Variants in CNTN5 observed in about 807,000 individuals in gnomAD.
The protein encoded by CNTN5 is contactin 5, also known as contactin-5.
In CNTN5, 77 loss-of-function variants were observed where a neutral mutation model predicts 129.1. That is an observed-to-expected ratio of 0.60 (90% CI 0.50 to 0.72). The LOEUF (loss-of-function observed/expected upper bound fraction) is 0.72, where lower values mean the gene tolerates loss of function less well. Among genes scored for constraint, CNTN5 ranks in the 30% least tolerant of loss-of-function variants. CNTN5 has a pLI of 0.00. For synonymous variants in CNTN5, 509 were observed against 465.6 expected, an observed-to-expected ratio of 1.09 and a Z score of -1.20; for missense variants, 1,478 against 1,328.8, an observed-to-expected ratio of 1.11 and a Z score of -1.75.
At chr11:99,750,037 C>T (rs1024306640) in intron 3 of CNTN5, among the ~76,000 whole-genome samples, 1 of 152,128 alleles carries the variant, frequency 6.6e-6, no homozygotes, top group Non-Finnish European at 1.5e-5. Flanking sequence ...ACAGCATAGC[C>T]ACTTAGCCTA....
intron 3 of CNTN5, among the ~76,000 whole-genome samples, chr11:99,767,122 T>C (rs1355523335): frequency 1.3e-5 from 2 of 152,112 alleles, no homozygotes; most frequent in Non-Finnish European, 2.9e-5. Flanking sequence ...TCTCTCTCTC[T>C]CTTTCTCTAC....
At position 99,069,233 on chromosome 11, in the gene CNTN5, A is replaced by C. The variant is rs530244215; in HGVS notation, c.-210+47963A>C. On this transcript the variant is annotated intron_variant, in intron 1 of 24. Coordinates refer to ENST00000524871, the MANE Select transcript of CNTN5 (RefSeq NM_014361.4). ...CAACCCTCCTTTCAGATAATTCCTT[A>C]AAGTATATTACTCTGAAATTTTTGC... Among the ~76,000 whole-genome samples the C allele has an allele frequency of 1.4e-4, 22 of 152,240 alleles. 1 individual carries two copies. The South Asian group carries it at 4.6e-3, about 32-fold the overall frequency.
At chr11:99,185,797 T>A (rs1226164573) in intron 1 of CNTN5, among the ~76,000 whole-genome samples, 1 of 100,556 alleles carries the variant, frequency 9.9e-6, no homozygotes, top group African/African-American at 3.4e-5. Context: ...AATTTTAAAA[T>A]AACCCATCAA....
At chr11:99,639,841 G>A (rs946250669) in intron 3 of CNTN5, among the ~76,000 whole-genome samples, 8 of 152,032 alleles carry the variant, frequency 5.3e-5, no homozygotes, top group Admixed American at 1.3e-4. Flanking sequence ...TGGGATTACC[G>A]GTGTGAGCCA....
In CNTN5 at chr11:99,730,402, C is replaced by T. The variant is rs978267471; in HGVS notation, c.56-89142C>T. On this transcript the variant is annotated intron_variant, in intron 3 of 24. Transcript: ENST00000524871. ...GACGGAGAGAATACTATATTAACTTCGTAAATAAAGATCTGTTCAAGACTA... is the reference window on the plus strand; with the variant it reads ...GACGGAGAGAATACTATATTAACTTTGTAAATAAAGATCTGTTCAAGACTA... Among the ~76,000 whole-genome samples, 9 of 152,264 alleles carry T rather than the reference C, an allele frequency of 5.9e-5. No homozygotes were observed. In the South Asian group the frequency reaches 8.3e-4, roughly 14 times the overall value.
At chr11:99,159,571 G>A (rs1860504817) in intron 1 of CNTN5, among the ~76,000 whole-genome samples, 2 of 152,204 alleles carry the variant, frequency 1.3e-5, no homozygotes, top group East Asian at 1.9e-4. Context: ...GCAGTGAGCC[G>A]AGATTGCACC....
chr11:99,495,835 C>T (rs978541824), intron 2 of CNTN5, among the ~76,000 whole-genome samples: 1 of 151,916 alleles, frequency 6.6e-6, no homozygotes, highest in Non-Finnish European at 1.5e-5. Context: ...AAGTGCAGAG[C>T]GAGACTTGAA....
chr11:99,901,320 T>C (rs537911124), intron 6 of CNTN5, among the ~76,000 whole-genome samples: 2 of 152,262 alleles, frequency 1.3e-5, no homozygotes, highest in Non-Finnish European at 2.9e-5. Context: ...AAATGGAGTC[T>C]CACTTTGTTG....
At chr11:99,164,084 T>C (rs971252483) in intron 1 of CNTN5, among the ~76,000 whole-genome samples, 4 of 152,078 alleles carry the variant, frequency 2.6e-5, no homozygotes, top group Non-Finnish European at 4.4e-5. Context: ...TCCCAGCAAT[T>C]TGGGTGGCCA....
chr11:99,868,148 G>A (rs1390623748), intron 6 of CNTN5, among the ~76,000 whole-genome samples: 1 of 151,844 alleles, frequency 6.6e-6, no homozygotes. Context: ...CCCAGGAGGC[G>A]GAGGTTGTGA....
At chr11:99,910,284 T>C (rs925717600) in intron 6 of CNTN5, among the ~76,000 whole-genome samples, 3 of 152,074 alleles carry the variant, frequency 2.0e-5, no homozygotes, top group Non-Finnish European at 4.4e-5. Flanking sequence ...ACCTTCATTT[T>C]TCTATGGCTT....
At chr11:99,975,575 A>G (rs7103510) in intron 8 of CNTN5, among the ~76,000 whole-genome samples, 111,647 of 151,994 alleles carry the variant, frequency 0.73, 41,736 homozygotes, top group African/African-American at 0.87. Context: ...GGGATGCCTC[A>G]AAAAACTTAC....
intron 1 of CNTN5, among the ~76,000 whole-genome samples, chr11:99,301,507 A>G (rs1864636083): frequency 6.6e-6 from 1 of 151,836 alleles, no homozygotes; most frequent in Admixed American, 6.6e-5. Context: ...GGGGCATTGT[A>G]TTATAAAAAT....
chr11:99,839,934 A>T (rs1591289165), intron 4 of CNTN5, among the ~76,000 whole-genome samples: 1 of 152,198 alleles, frequency 6.6e-6, no homozygotes, highest in Non-Finnish European at 1.5e-5. Flanking sequence ...AATGAGAAAT[A>T]AATTTTCCTG....
At chr11:99,676,625 G>A (rs542624742) in intron 3 of CNTN5, among the ~76,000 whole-genome samples, 7 of 152,070 alleles carry the variant, frequency 4.6e-5, no homozygotes, top group African/African-American at 7.2e-5. Context: ...ATGGATTTTC[G>A]TTTCATAATT....
chr11:100,059,919 A>C lies in CNTN5; in HGVS notation c.981-1293A>C, dbSNP rs1943392570. Among the ~76,000 whole-genome samples, 2 of 152,204 alleles carry C rather than the reference A, an allele frequency of 1.3e-5. 1 individual carries two copies. Among genetic ancestry groups the C allele is most frequent in the South Asian group, 4.1e-4 (2 of 4,834 alleles). On this transcript the variant is annotated intron_variant, in intron 9 of 24. Coordinates refer to ENST00000524871, the MANE Select transcript of CNTN5 (RefSeq NM_014361.4). ...AGCATTGATTTTTAATGATTAAAAA[A>C]AGAAAAATGCCGGGCATGCTGGCTC...
intron 3 of CNTN5, among the ~76,000 whole-genome samples, chr11:99,566,369 C>T (rs766234043): frequency 6.6e-6 from 1 of 152,184 alleles, no homozygotes; most frequent in Admixed American, 6.5e-5. Flanking sequence ...CCAATTAAGC[C>T]TCTCTTCTTT....
At chr11:100,101,023 G>A (rs1184797575) in intron 13 of CNTN5, among the ~76,000 whole-genome samples, 2 of 152,070 alleles carry the variant, frequency 1.3e-5, no homozygotes, top group Non-Finnish European at 2.9e-5. Context: ...TGAGAGATGG[G>A]TCTTGGTTTA....
At chr11:99,878,596 G>A (rs1185357721) in intron 6 of CNTN5, among the ~76,000 whole-genome samples, 2 of 152,156 alleles carry the variant, frequency 1.3e-5, no homozygotes, top group African/African-American at 4.8e-5. Flanking sequence ...TCTGGCTCAC[G>A]CCTGTAATTC....
Sources: gnomAD v4.1 joint callset for allele counts (sites outside exome capture counted in the v4.1 genomes callset) on GRCh38, gnomAD v4.1.1 for gene constraint, MANE v1.5 for transcripts, NCBI Gene and HGNC (gene_info 2026-07-23, HGNC 2026-07-21) for gene names.